Variants in PHF24 observed in about 807,000 individuals in gnomAD.
PHF24 encodes the protein Galpha inhibitory interacting protein.
Under a neutral mutation model 42.6 loss-of-function variants are expected in PHF24, and 25 were observed. The ratio of observed to expected loss-of-function variants is 0.59; its 90% CI spans 0.43 to 0.82. PHF24 has a LOEUF of 0.82. Ranked by LOEUF, PHF24 falls within the 40% of genes least tolerant of loss-of-function variation. PHF24 has a pLI of 0.00. For missense variants in PHF24, 470 were observed against 538.1 expected (o/e 0.87, Z 1.25); for synonymous variants, 185 against 204.8 (o/e 0.90, Z 0.83).
the PHF24 span, among the ~76,000 whole-genome samples, chr9:34,916,818 C>T: frequency 6.6e-6 from 1 of 152,122 alleles, no homozygotes; most frequent in Non-Finnish European, 1.5e-5. Flanking sequence ...TGCGTGGGAG[C>T]ATTATCTCCA....
the PHF24 span, among the ~76,000 whole-genome samples, chr9:34,937,040 C>G: frequency 1.4e-5 from 2 of 147,418 alleles, no homozygotes; most frequent in African/African-American, 2.5e-5. Context: ...GTCAGCCCCC[C>G]CCCCGGGCCA....
At chr9:34,940,775 G>T in the PHF24 span, among the ~76,000 whole-genome samples, 2 of 152,152 alleles carry the variant, frequency 1.3e-5, no homozygotes, top group Non-Finnish European at 2.9e-5. Context: ...AATACCAGGA[G>T]GTGTCCAACT....
chr9:34,905,283 ACCT>A, the PHF24 span, among the ~76,000 whole-genome samples: 52 of 152,008 alleles, frequency 3.4e-4, no homozygotes, highest in Non-Finnish European at 5.6e-4. Flanking sequence ...CCACAACCTG[ACCT>A]CCTACCAGAG....
chr9:34,801,554 T>C, the PHF24 span, among the ~76,000 whole-genome samples: 1 of 152,066 alleles, frequency 6.6e-6, no homozygotes, highest in Non-Finnish European at 1.5e-5. Context: ...GGTGAAACCC[T>C]GTCTCTACTA....
the PHF24 span, among the ~76,000 whole-genome samples, chr9:34,703,094 A>T: frequency 6.6e-6 from 1 of 152,216 alleles, no homozygotes; most frequent in Non-Finnish European, 1.5e-5. Context: ...ACAACAAGTG[A>T]CAGACCCCAC....
chr9:34,700,240 A>G, the PHF24 span, among the ~76,000 whole-genome samples: 2 of 152,302 alleles, frequency 1.3e-5, no homozygotes, highest in East Asian at 3.9e-4. Context: ...ATTGGAAGGT[A>G]TTGAACAAGT....
chr9:34,827,415 C>G, the PHF24 span, among the ~76,000 whole-genome samples: 1 of 152,174 alleles, frequency 6.6e-6, no homozygotes, highest in Non-Finnish European at 1.5e-5. Flanking sequence ...GGGGTGGGCC[C>G]CCAACCCTTA....
At chr9:34,768,223 A>G in the PHF24 span, among the ~76,000 whole-genome samples, 3 of 152,226 alleles carry the variant, frequency 2.0e-5, no homozygotes, top group Non-Finnish European at 1.5e-5. Flanking sequence ...GGGCAATGGG[A>G]AACACATTCA....
the PHF24 span, among the ~76,000 whole-genome samples, chr9:34,866,724 C>G: frequency 6.6e-6 from 1 of 152,222 alleles, no homozygotes; most frequent in Non-Finnish European, 1.5e-5. Context: ...TTTCCAGGGA[C>G]TTGCTATTGC....
the PHF24 span, among the ~76,000 whole-genome samples, chr9:34,867,453 A>T: frequency 9.5e-5 from 1 of 10,474 alleles, no homozygotes; most frequent in African/African-American, 2.2e-4. Context: ...GTCTACAAAC[A>T]TGAAAACTAA....
the PHF24 span, chr9:34,922,537 A>C: frequency 1.0e-6 from 1 of 990,954 alleles, no homozygotes; most frequent in African/African-American, 1.6e-5. Context: ...ACCTCAGCCA[A>C]GTAATGGTAG....
chr9:34,667,946 C>T, the PHF24 span, among the ~76,000 whole-genome samples: 1 of 152,080 alleles, frequency 6.6e-6, no homozygotes, highest in Non-Finnish European at 1.5e-5. Flanking sequence ...GAATGGAGAC[C>T]TGGATGATGG....
the PHF24 span, among the ~76,000 whole-genome samples, chr9:34,827,412 GC>G: frequency 7.9e-5 from 12 of 152,164 alleles, no homozygotes; most frequent in African/African-American, 2.4e-4. Flanking sequence ...CATGGGGTGG[GC>G]CCCCAACCCT....
At position 34,971,580 on chromosome 9, in the gene PHF24, CA is replaced by C; in HGVS notation, c.283del (p.Arg95GlyfsTer79). 6.2e-7 allele frequency: 1 copy of C among 1,614,126 alleles called. No individual in the cohort carries two copies. Among genetic ancestry groups the C allele is most frequent in the Non-Finnish European group, 8.5e-7 (1 of 1,180,030 alleles). ...GCGGCGTGGAGCCTGAGGAGTTTGA[CA>C]GGACAAGTCGATTCACACCCCCTGC... On this transcript the variant is annotated frameshift_variant, in exon 2 of 8. Transcript: ENST00000242315. LOFTEE classifies it high-confidence loss of function.
At chr9:34,788,582 T>G in the PHF24 span, among the ~76,000 whole-genome samples, 1 of 152,154 alleles carries the variant, frequency 6.6e-6, no homozygotes, top group South Asian at 2.1e-4. Flanking sequence ...CAAATACACA[T>G]GGCCATTGTA....
chr9:34,958,208 GGTGTGCTCC>G (rs2132840337), upstream of PHF24: 1 of 155,208 alleles, frequency 6.4e-6, no homozygotes, highest in East Asian at 1.8e-4. This position sits in a 1 kb window ranked among gnomAD's most constrained non-coding sequence, Gnocchi z 4.5. Context: ...GGGGCGGGTG[GGTGTGCTCC>G]GGCCGCGCGC....
At chr9:34,939,851 A>T in the PHF24 span, among the ~76,000 whole-genome samples, 6 of 152,164 alleles carry the variant, frequency 3.9e-5, no homozygotes, top group Non-Finnish European at 8.8e-5. Context: ...ACTACTGTTG[A>T]TATCAGGCCT....
chr9:34,965,255 T>A (rs1342870752), intron 1 of PHF24, among the ~76,000 whole-genome samples: 1 of 152,246 alleles, frequency 6.6e-6, no homozygotes, highest in Non-Finnish European at 1.5e-5. Context: ...ACAGTTTTGA[T>A]CCTCTCCATT....
the PHF24 span, chr9:34,895,036 T>G: frequency 5.3e-5 from 21 of 398,414 alleles, no homozygotes; most frequent in African/African-American, 4.1e-4. Context: ...ACTGGGACTT[T>G]ACCTCTTGAT....
Sources: allele counts gnomAD v4.1 joint callset (sites outside exome capture counted in the v4.1 genomes callset), GRCh38; gene constraint gnomAD v4.1.1; non-coding constraint Gnocchi (gnomAD v3.1); transcripts MANE v1.5; gene names NCBI Gene and HGNC (gene_info 2026-07-23, HGNC 2026-07-21).